The following ESRRG variants were observed in gnomAD, a reference collection of about 807,000 sequenced individuals.
ESRRG encodes the protein estrogen-related receptor gamma.
In ESRRG, 13 loss-of-function variants were observed where a neutral mutation model predicts 44.0. That is an observed-to-expected ratio of 0.30 (90% confidence interval 0.19 to 0.47). The LOEUF (loss-of-function observed/expected upper bound fraction) is 0.47. Ranked by LOEUF, ESRRG falls within the 20% of genes least tolerant of loss-of-function variation. ESRRG has a pLI of 1.00. For synonymous variants in ESRRG, 215 were observed against 214.6 expected (o/e 1.00, Z -0.02); for missense variants, 395 against 580.6 (o/e 0.68, Z 3.29).
At chr1:216,669,180 A>T (rs1461286574) in intron 2 of ESRRG, among the ~76,000 whole-genome samples, 1 of 152,130 alleles carries the variant, frequency 6.6e-6, no homozygotes, top group Non-Finnish European at 1.5e-5. Context: ...ATAACCTAAG[A>T]TATTTAAACT....
intron 2 of ESRRG, among the ~76,000 whole-genome samples, chr1:216,849,581 A>T (rs867253677): frequency 6.6e-5 from 10 of 152,272 alleles, no homozygotes; most frequent in African/African-American, 2.4e-4. Context: ...CAAACAGTTT[A>T]CTACCAAGAG....
chr1:216,721,441 C>G (rs1437585421), intron 1 of ESRRG, among the ~76,000 whole-genome samples: 1 of 152,188 alleles, frequency 6.6e-6, no homozygotes, highest in Non-Finnish European at 1.5e-5. Flanking sequence ...CAGTGAACCA[C>G]GTAACCATCA....
chr1:216,865,646 T>C lies in ESRRG; in HGVS notation c.-14+73936A>G, dbSNP rs186260877. On this transcript the variant is annotated intron_variant, in intron 2 of 7. Coordinates refer to the ESRRG transcript ENST00000359162. ...GTTTAGCACTTGGAACAATACAAAATTCCAATGCACATTAAAAATATAATC... is the reference window on the plus strand; with the variant it reads ...GTTTAGCACTTGGAACAATACAAAACTCCAATGCACATTAAAAATATAATC... Among the ~76,000 whole-genome samples the C allele has an allele frequency of 5.1e-3, 782 of 152,278 alleles. 7 individuals are homozygous for C. The highest frequency in any genetic ancestry group is 0.018 in the African/African-American group (764 of 41,554).
In ESRRG at chr1:216,630,447, C is replaced by CACACACAT. The variant is rs1332016464; in HGVS notation, c.589+20525_589+20526insATGTGTGT. 2.6e-3 allele frequency among the ~76,000 whole-genome samples: 200 copies of CACACACAT among 76,310 alleles called. 2 individuals carry two copies. The highest frequency in any genetic ancestry group is 9.2e-3 in the African/African-American group (183 of 19,870). 50.1% of individuals were successfully genotyped at this position (76,310 alleles called of 152,430 possible). Reference sequence around the variant, plus strand: ...ATGTGCATGCACATGTGCGTGTGAACACACACACACACACACACACACACA... The same window carrying CACACACAT: ...ATGTGCATGCACATGTGCGTGTGAACACACACATACACACACACACACACACACACACA... On this transcript the variant is annotated intron_variant, in intron 3 of 6. Transcript: ENST00000408911.
intron 3 of ESRRG, among the ~76,000 whole-genome samples, chr1:216,647,636 C>G (rs942999140): frequency 1.3e-5 from 2 of 152,170 alleles, no homozygotes; most frequent in African/African-American, 4.8e-5. Flanking sequence ...ACTAAACCAT[C>G]ACTTTCTCCT....
chr1:217,058,738 T>C (rs2087689799), intron 1 of ESRRG, among the ~76,000 whole-genome samples: 1 of 151,888 alleles, frequency 6.6e-6, no homozygotes, highest in Admixed American at 6.6e-5. Flanking sequence ...TATTCTATTA[T>C]TCCCTGTGTC....
At chr1:217,002,156 G>T (rs938402861) in intron 1 of ESRRG, among the ~76,000 whole-genome samples, 3 of 151,820 alleles carry the variant, frequency 2.0e-5, no homozygotes, top group African/African-American at 7.3e-5. Flanking sequence ...ACAAAAATTA[G>T]CTGGGCATGG....
chr1:216,754,933 C>T (rs2092352624), intron 2 of ESRRG, among the ~76,000 whole-genome samples: 1 of 151,786 alleles, frequency 6.6e-6, no homozygotes, highest in Non-Finnish European at 1.5e-5. Context: ...AAGATGATGA[C>T]AGGGACATCA....
At chr1:216,724,496 CCTG>C (rs2087073025), upstream of ESRRG, among the ~76,000 whole-genome samples, 1 of 151,588 alleles carries the variant, frequency 6.6e-6, no homozygotes, top group Non-Finnish European at 1.5e-5. Flanking sequence ...CCCAAAACAT[CCTG>C]CTTTCAAATA....
At chr1:216,821,093 G>A (rs1272875189) in intron 2 of ESRRG, among the ~76,000 whole-genome samples, 1 of 152,158 alleles carries the variant, frequency 6.6e-6, no homozygotes, top group Non-Finnish European at 1.5e-5. Flanking sequence ...CAAAGTCTGA[G>A]CTAATAAGAA....
At chr1:217,075,737 C>T (rs1191321197) in intron 1 of ESRRG, among the ~76,000 whole-genome samples, 1 of 152,046 alleles carries the variant, frequency 6.6e-6, no homozygotes, top group African/African-American at 2.4e-5. Flanking sequence ...CAATAAGGCT[C>T]TCCAACATCT....
intron 1 of ESRRG, among the ~76,000 whole-genome samples, chr1:216,951,717 ATGTGTGTGTGTGTGTGTGTGTG>A (rs59233267): frequency 7.0e-6 from 1 of 143,638 alleles, no homozygotes; most frequent in Admixed American, 7.1e-5. Flanking sequence ...AACTATCACT[ATGTGTGTGTGTGTGTGTGTGTG>A]TGTGTGTGTG....
chr1:216,708,099 G>T (rs2082793865), intron 1 of ESRRG, among the ~76,000 whole-genome samples: 1 of 152,054 alleles, frequency 6.6e-6, no homozygotes, highest in African/African-American at 2.4e-5. Flanking sequence ...AGTTCATAAT[G>T]ATTTGAATAT....
intron 2 of ESRRG, among the ~76,000 whole-genome samples, chr1:216,788,052 A>AT (rs2094191483): frequency 6.6e-6 from 1 of 152,180 alleles, no homozygotes; most frequent in Non-Finnish European, 1.5e-5. Context: ...AGTTCAAAGA[A>AT]AGAAGTCATC....
intron 2 of ESRRG, among the ~76,000 whole-genome samples, chr1:216,843,146 T>C (rs1002968728): frequency 2.0e-5 from 3 of 152,004 alleles, no homozygotes; most frequent in African/African-American, 7.3e-5. Context: ...ATAGTCTTTT[T>C]TTTTTCTTAA....
chr1:216,929,048 A>T (rs1191493693), intron 2 of ESRRG, among the ~76,000 whole-genome samples: 1 of 152,288 alleles, frequency 6.6e-6, no homozygotes, highest in East Asian at 1.9e-4. Flanking sequence ...ATGGGAATGC[A>T]CTTAATGCCA....
chr1:217,067,456 A>C (rs2089924802), intron 1 of ESRRG, among the ~76,000 whole-genome samples: 1 of 152,208 alleles, frequency 6.6e-6, no homozygotes, highest in African/African-American at 2.4e-5. Context: ...TGACACTCTA[A>C]AAGTAATGTT....
chr1:216,581,896 C>T (rs1432778809), intron 3 of ESRRG, among the ~76,000 whole-genome samples: 1 of 152,208 alleles, frequency 6.6e-6, no homozygotes, highest in Non-Finnish European at 1.5e-5. Context: ...GTGTGGCCCT[C>T]AGGCCACCCG....
intron 1 of ESRRG, among the ~76,000 whole-genome samples, chr1:217,064,818 G>A (rs2089337557): frequency 6.6e-6 from 1 of 152,096 alleles, no homozygotes; most frequent in Admixed American, 6.5e-5. Context: ...ATGTGAAATG[G>A]GTCTCTTTCT....
Sources: allele counts gnomAD v4.1 joint callset (sites outside exome capture counted in the v4.1 genomes callset), GRCh38; gene constraint gnomAD v4.1.1; transcripts MANE v1.5; gene names NCBI Gene and HGNC (gene_info 2026-07-23, HGNC 2026-07-21).